Variants in CLNK observed in about 807,000 individuals in gnomAD.
CLNK encodes cytokine-dependent hematopoietic cell linker.
Under a neutral mutation model 68.6 loss-of-function variants are expected in CLNK, and 74 were observed. The observed-to-expected ratio is 1.08, with a 90% CI of 0.89 to 1.31. The LOEUF is 1.31. Ranked by LOEUF, CLNK falls within the 50% of genes most tolerant of loss-of-function variation. CLNK has a pLI of 0.00. For synonymous variants in CLNK, 198 were observed against 172.2 expected (o/e 1.15, Z -1.17); for missense variants, 553 against 515.3 (o/e 1.07, Z -0.71).
chr4:10,644,762 C>T (rs577236168), intron 2 of CLNK, among the ~76,000 whole-genome samples: 1 of 152,232 alleles, frequency 6.6e-6, no homozygotes, highest in African/African-American at 2.4e-5. Flanking sequence ...CCTTTTCTCA[C>T]TGACTTCATT....
At chr4:10,681,992 G>A (rs1268918793) in intron 1 of CLNK, among the ~76,000 whole-genome samples, 1 of 152,080 alleles carries the variant, frequency 6.6e-6, no homozygotes, top group Non-Finnish European at 1.5e-5. Context: ...TTGCTCTTTG[G>A]AAGACATGAT....
At chr4:10,573,556 A>G (rs1720430073) in intron 4 of CLNK, among the ~76,000 whole-genome samples, 1 of 152,186 alleles carries the variant, frequency 6.6e-6, no homozygotes, top group Non-Finnish European at 1.5e-5. Context: ...AGTTAAATTA[A>G]TAAGGTCACC....
At chr4:10,516,716 C>A (rs572503116) in intron 15 of CLNK, among the ~76,000 whole-genome samples, 1 of 152,162 alleles carries the variant, frequency 6.6e-6, no homozygotes, top group Non-Finnish European at 1.5e-5. Context: ...CCATGCCCAG[C>A]TAATTTTTGT....
At chr4:10,700,826 G>C in the CLNK span, among the ~76,000 whole-genome samples, 1 of 152,136 alleles carries the variant, frequency 6.6e-6, no homozygotes, top group African/African-American at 2.4e-5. Flanking sequence ...TAATACACAA[G>C]TGCCGTTGTG....
chr4:10,662,816 C>T (rs28517508), intron 2 of CLNK, among the ~76,000 whole-genome samples: 3,183 of 152,314 alleles, frequency 0.021, 128 homozygotes, highest in African/African-American at 0.072. Flanking sequence ...TTTCATTCTT[C>T]TTTGTAATTT....
intron 1 of CLNK, among the ~76,000 whole-genome samples, 161 bp downstream of exon 1, chr4:10,684,507 T>C (rs1286703647): frequency 6.6e-6 from 1 of 152,200 alleles, no homozygotes; most frequent in African/African-American, 2.4e-5. Context: ...AACAATTGAG[T>C]TAAGGGCTTT....
intron 2 of CLNK, among the ~76,000 whole-genome samples, chr4:10,655,095 C>G (rs544888373): frequency 8.3e-6 from 1 of 121,086 alleles, no homozygotes; most frequent in Non-Finnish European, 1.7e-5. Context: ...AACGAGACAC[C>G]GACTCGAAAA....
chr4:10,529,182 G>T (rs764947465), intron 12 of CLNK, among the ~76,000 whole-genome samples: 75 of 152,186 alleles, frequency 4.9e-4, no homozygotes, highest in Non-Finnish European at 8.2e-4. Flanking sequence ...TGAATGGCCT[G>T]ATGGGGTCCA....
chr4:10,561,314 G>A (rs1719881078), intron 7 of CLNK, among the ~76,000 whole-genome samples: 1 of 152,060 alleles, frequency 6.6e-6, no homozygotes. Flanking sequence ...AATTTCATTT[G>A]ACTTAATGTG....
chr4:10,698,153 T>TATA, the CLNK span, among the ~76,000 whole-genome samples: 1 of 152,198 alleles, frequency 6.6e-6, no homozygotes, highest in Non-Finnish European at 1.5e-5. Context: ...CTTGTCTATA[T>TATA]AGTCATGTGT....
chr4:10,569,397 CT>C (rs1720254921), intron 5 of CLNK, among the ~76,000 whole-genome samples: 1 of 152,120 alleles, frequency 6.6e-6, no homozygotes, highest in African/African-American at 2.4e-5. Flanking sequence ...AATGCACACA[CT>C]GAGGAAAGGC....
chr4:10,697,830 C>T, the CLNK span, among the ~76,000 whole-genome samples: 1 of 152,132 alleles, frequency 6.6e-6, no homozygotes, highest in Non-Finnish European at 1.5e-5. Flanking sequence ...GAACAATAGC[C>T]ACCTTGCCTT....
intron 2 of CLNK, 92 bp from the exon 3 acceptor site, chr4:10,598,141 C>T (rs1349259695): frequency 3.7e-6 from 3 of 821,432 alleles, no homozygotes; most frequent in Non-Finnish European, 5.9e-6. Flanking sequence ...AAGAGCCACC[C>T]AGTCAGATTT....
intron 1 of CLNK, among the ~76,000 whole-genome samples, chr4:10,677,837 C>CAATCATAATAATAATAAT (rs1724935811): frequency 6.7e-6 from 1 of 149,104 alleles, no homozygotes; most frequent in Non-Finnish European, 1.5e-5. Flanking sequence ...ATAAAAATAG[C>CAATCATAATAATAATAAT]AATAATAATA....
chr4:10,600,039 T>TAAG (rs1315922038), intron 2 of CLNK, among the ~76,000 whole-genome samples: 3 of 152,244 alleles, frequency 2.0e-5, no homozygotes, highest in African/African-American at 7.2e-5. Flanking sequence ...CCATGATAGC[T>TAAG]AAGTTTCCTG....
intron 2 of CLNK, among the ~76,000 whole-genome samples, chr4:10,663,003 G>A (rs28715914): frequency 0.021 from 3,177 of 152,316 alleles, 127 homozygotes; most frequent in African/African-American, 0.072. Flanking sequence ...AAAAGAGCCT[G>A]GGTGGCCAGT....
the CLNK span, among the ~76,000 whole-genome samples, chr4:10,707,887 C>T: frequency 2.6e-5 from 4 of 152,312 alleles, no homozygotes; most frequent in South Asian, 4.1e-4. Flanking sequence ...GATGATGCCA[C>T]AGTGCAGCAT....
intron 18 of CLNK, among the ~76,000 whole-genome samples, chr4:10,490,833 C>T (rs1378002791): frequency 2.6e-5 from 4 of 152,186 alleles, no homozygotes; most frequent in Admixed American, 6.5e-5. Flanking sequence ...GCCACAATCT[C>T]GGCTCACTGC....
the CLNK span, among the ~76,000 whole-genome samples, chr4:10,733,150 T>C: frequency 6.6e-6 from 1 of 152,122 alleles, no homozygotes; most frequent in Non-Finnish European, 1.5e-5. Flanking sequence ...TAGCCACAGC[T>C]TCCTGTCTCC....
Sources: allele counts gnomAD v4.1 joint callset (sites outside exome capture counted in the v4.1 genomes callset), GRCh38; gene constraint gnomAD v4.1.1; transcripts MANE v1.5; gene names NCBI Gene and HGNC (gene_info 2026-07-23, HGNC 2026-07-21).